The following PTPRF variants were observed in gnomAD, a reference collection of about 807,000 sequenced individuals.
The protein encoded by PTPRF is receptor-type tyrosine-protein phosphatase F.
In PTPRF, 59 loss-of-function variants were observed where a neutral mutation model predicts 201.8. The ratio of observed to expected loss-of-function variants is 0.29; its 90% CI spans 0.24 to 0.36. The LOEUF (loss-of-function observed/expected upper bound fraction) is 0.36. Among genes scored for constraint, PTPRF ranks in the 10% least tolerant of loss-of-function variants. PTPRF has a pLI of 1.00. For synonymous variants in PTPRF, 1,088 were observed against 1,089.7 expected, an observed-to-expected ratio of 1.00 and a Z score of 0.03; for missense variants, 2,132 against 2,690.5, an observed-to-expected ratio of 0.79 and a Z score of 4.59.
chr1:43,565,262 T>C (rs1360216301), intron 5 of PTPRF, among the ~76,000 whole-genome samples: 1 of 152,044 alleles, frequency 6.6e-6, no homozygotes, highest in Admixed American at 6.6e-5. Context: ...AACCTTGGAT[T>C]CCCACCATCG....
intron 23 of PTPRF, among the ~76,000 whole-genome samples, chr1:43,615,807 C>T (rs970909093): frequency 6.6e-5 from 10 of 152,006 alleles, no homozygotes; most frequent in Non-Finnish European, 1.3e-4. Context: ...ACCTCGTGAT[C>T]CGCCCACCTT....
Position 43,553,746 on chromosome 1 carries a change from G to A in PTPRF, c.238-54G>A. The A allele has an allele frequency of 6.2e-7, 1 of 1,611,932 alleles. No homozygotes were observed. Among genetic ancestry groups the A allele is most frequent in the South Asian group, 1.1e-5 (1 of 90,842 alleles). On this transcript the variant is annotated intron_variant, in intron 4 of 33. Coordinates refer to ENST00000359947, the MANE Select transcript of PTPRF (RefSeq NM_002840.5). The surrounding 1 kb of genome is among the most constrained non-coding windows in gnomAD (Gnocchi z 4.1). ...TGGAGGTGGGAGGACAACTGACCCT[G>A]AGCAGGCTCCTGTGTCCTGAGTAGG...
chr1:43,570,754 T>C (rs1258715967), intron 6 of PTPRF, among the ~76,000 whole-genome samples: 1 of 152,270 alleles, frequency 6.6e-6, no homozygotes, highest in African/African-American at 2.4e-5. Flanking sequence ...GGCAAGATTC[T>C]GGCCCCAGCC....
intron 5 of PTPRF, among the ~76,000 whole-genome samples, chr1:43,563,557 G>A (rs957664442): frequency 2.0e-5 from 3 of 152,210 alleles, no homozygotes; most frequent in Admixed American, 6.5e-5. Flanking sequence ...CTGAGAGACT[G>A]GAGGGAAACT....
chr1:43,583,946 C>A (rs1372555960), intron 7 of PTPRF, among the ~76,000 whole-genome samples: 1 of 152,208 alleles, frequency 6.6e-6, no homozygotes, highest in African/African-American at 2.4e-5. Flanking sequence ...TTGCTTCTAC[C>A]TGGAGTAACT....
At chr1:43,569,319 AGTGCT>A (rs1422237291) in intron 5 of PTPRF, among the ~76,000 whole-genome samples, 2 of 151,006 alleles carry the variant, frequency 1.3e-5, no homozygotes, top group Admixed American at 6.6e-5. Context: ...TGGAGAGATA[AGTGCT>A]GACGCCTTCA....
intron 8 of PTPRF, among the ~76,000 whole-genome samples, chr1:43,590,574 C>T (rs780033053): frequency 1.3e-5 from 2 of 152,240 alleles, no homozygotes; most frequent in African/African-American, 4.8e-5. Flanking sequence ...CACATACTTT[C>T]CACCAGGTGG....
chr1:43,585,283 C>T (rs1022594720), intron 7 of PTPRF, among the ~76,000 whole-genome samples: 10 of 152,178 alleles, frequency 6.6e-5, no homozygotes, highest in African/African-American at 2.4e-4. Context: ...ATGGGGGTGG[C>T]TGTCTGGGCA....
intron 22 of PTPRF, among the ~76,000 whole-genome samples, chr1:43,609,841 C>CT (rs1271169112): frequency 6.6e-6 from 1 of 152,240 alleles, no homozygotes; most frequent in Non-Finnish European, 1.5e-5. Context: ...GGCGCACGCT[C>CT]TGACGCCTCC....
At position 43,605,533 on chromosome 1, in the gene PTPRF, T is replaced by C; in HGVS notation, c.3394T>C (p.Phe1132Leu). The C allele has an allele frequency of 6.2e-7, 1 of 1,614,094 alleles. No homozygotes were observed. The highest frequency in any genetic ancestry group is 8.5e-7 in the Non-Finnish European group (1 of 1,179,986). Residue 1132 changes from phenylalanine (F) to leucine (L), a missense_variant, in exon 19 of 34, where the codon TTC becomes CTC. Physicochemically the swap from Phe to Leu is conservative, Grantham distance 22 (BLOSUM62 0). Coordinates refer to ENST00000359947, the MANE Select transcript of PTPRF (RefSeq NM_002840.5). Reference sequence around the variant, plus strand: ...ATTCCTGCCCTGCCCACCCAGGTGGTTCTACATTGTTGTGGTGCCCATTGA... The same window carrying C: ...ATTCCTGCCCTGCCCACCCAGGTGGCTCTACATTGTTGTGGTGCCCATTGA... ...HVQDPSLVRW[F>L]YIVVVPIDRV... is the part of the protein sequence containing the mutation.
chr1:43,621,805 G>A (rs1570765910), intron 33 of PTPRF, 130 bp from the exon 34 acceptor site: 1 of 839,074 alleles, frequency 1.2e-6, no homozygotes. Context: ...ACTGCCTGAT[G>A]TAGCTGCCAG....
At chr1:43,569,530 G>C in intron 5 of PTPRF, 60 bp from the exon 6 acceptor site, 1 of 1,504,250 alleles carries the variant, frequency 6.6e-7, no homozygotes, top group Non-Finnish European at 8.9e-7. Context: ...GTTACCCCCA[G>C]AGGGGTCATA....
chr1:43,560,167 C>G (rs1645703845), intron 5 of PTPRF, among the ~76,000 whole-genome samples: 1 of 75,992 alleles, frequency 1.3e-5, no homozygotes, highest in Non-Finnish European at 2.8e-5. Context: ...TGTGTGCATG[C>G]AGCAGGCTGT....
At chr1:43,555,277 G>A (rs536757876) in intron 5 of PTPRF, among the ~76,000 whole-genome samples, 3 of 151,570 alleles carry the variant, frequency 2.0e-5, no homozygotes, top group Admixed American at 6.6e-5. Flanking sequence ...ATAACATTTG[G>A]TTACTTACTC....
At chr1:43,528,517 T>C (rs1643214780), upstream of PTPRF, 1 of 152,240 alleles carries the variant, frequency 6.6e-6, no homozygotes. Context: ...AGGGGCATTA[T>C]ATTATAACTG....
upstream of PTPRF, among the ~76,000 whole-genome samples, chr1:43,529,289 C>T (rs1243060389): frequency 1.3e-5 from 2 of 152,208 alleles, no homozygotes; most frequent in Admixed American, 6.5e-5. Context: ...CCCATCCCCT[C>T]CTCATACGCC....
chr1:43,522,543 T>G (rs192064184), upstream of PTPRF, among the ~76,000 whole-genome samples: 133 of 152,314 alleles, frequency 8.7e-4, 1 homozygote, highest in Admixed American at 6.8e-3. Flanking sequence ...CAGGCATCAA[T>G]CCATTAAATG....
At chr1:43,566,252 A>G (rs1164516476) in intron 5 of PTPRF, among the ~76,000 whole-genome samples, 1 of 152,150 alleles carries the variant, frequency 6.6e-6, no homozygotes, top group Admixed American at 6.5e-5. Flanking sequence ...TAGCTGTGTG[A>G]CCTTGGGCAG....
At chr1:43,569,539 T>C (rs745336143) in intron 5 of PTPRF, 51 bp from the exon 6 acceptor site, 26 of 1,528,508 alleles carry the variant, frequency 1.7e-5, no homozygotes, top group South Asian at 5.1e-5. Context: ...AGAGGGGTCA[T>C]AGGGGGCAGG....
Sources: allele counts gnomAD v4.1 joint callset (sites outside exome capture counted in the v4.1 genomes callset), GRCh38; gene constraint gnomAD v4.1.1; non-coding constraint Gnocchi (gnomAD v3.1); transcripts MANE v1.5; gene names NCBI Gene and HGNC (gene_info 2026-07-23, HGNC 2026-07-21).